Variants in AGBL4 observed in about 807,000 individuals in gnomAD.
The protein encoded by AGBL4 is cytosolic carboxypeptidase 6.
Under a neutral mutation model 66.4 loss-of-function variants are expected in AGBL4, and 58 were observed. That is an observed-to-expected ratio of 0.87 (90% CI 0.71 to 1.09). The LOEUF is 1.09. Among genes scored for constraint, AGBL4 ranks in the 50% least tolerant of loss-of-function variants. AGBL4 has a pLI of 0.00. For synonymous variants in AGBL4, 234 were observed against 222.9 expected, an observed-to-expected ratio of 1.05 and a Z score of -0.44; for missense variants, 579 against 631.0, an observed-to-expected ratio of 0.92 and a Z score of 0.88.
At chr1:49,474,845 G>GT (rs1463880691) in intron 3 of AGBL4, among the ~76,000 whole-genome samples, 1 of 151,972 alleles carries the variant, frequency 6.6e-6, no homozygotes, top group African/African-American at 2.4e-5. Context: ...AATTTAAGCT[G>GT]TATCTGCATT....
chr1:49,399,795 G>T (rs552716390), intron 3 of AGBL4, among the ~76,000 whole-genome samples: 2 of 152,020 alleles, frequency 1.3e-5, no homozygotes, highest in South Asian at 4.1e-4. Context: ...CATTATCTGG[G>T]TTGTCTCTTC....
At chr1:48,547,697 A>C (rs1158433908) in intron 11 of AGBL4, among the ~76,000 whole-genome samples, 1 of 152,150 alleles carries the variant, frequency 6.6e-6, no homozygotes, top group East Asian at 1.9e-4. Flanking sequence ...CATTCTGCTC[A>C]GGTCTCCACC....
intron 6 of AGBL4, among the ~76,000 whole-genome samples, chr1:48,805,765 C>A (rs902763078): frequency 1.3e-5 from 2 of 152,190 alleles, no homozygotes; most frequent in Admixed American, 1.3e-4. Flanking sequence ...GGTCCTTGGT[C>A]TCCCATCTCA....
intron 3 of AGBL4, among the ~76,000 whole-genome samples, chr1:49,691,056 T>C (rs1646877398): frequency 6.6e-6 from 1 of 151,930 alleles, no homozygotes; most frequent in Non-Finnish European, 1.5e-5. Context: ...CAATAACAGG[T>C]TTTGAAAGAA....
chr1:49,065,956 G>A (rs1644484672), intron 4 of AGBL4, among the ~76,000 whole-genome samples: 1 of 152,120 alleles, frequency 6.6e-6, no homozygotes, highest in Non-Finnish European at 1.5e-5. Flanking sequence ...CAGTAGGGTG[G>A]TTACAATCCT....
chr1:48,752,898 C>T (rs755348927), intron 6 of AGBL4, among the ~76,000 whole-genome samples: 23 of 152,192 alleles, frequency 1.5e-4, no homozygotes, highest in East Asian at 3.9e-4. Flanking sequence ...TACAGGCACG[C>T]GCCCCCATGC....
intron 5 of AGBL4, among the ~76,000 whole-genome samples, chr1:48,883,565 G>A (rs984235110): frequency 6.6e-6 from 1 of 152,082 alleles, no homozygotes; most frequent in African/African-American, 2.4e-5. Flanking sequence ...ATTTTTTACC[G>A]TGCTTGCATT....
chr1:49,504,418 T>C (rs72684899), intron 3 of AGBL4, among the ~76,000 whole-genome samples: 6,476 of 152,200 alleles, frequency 0.043, 251 homozygotes, highest in Non-Finnish European at 0.061. Context: ...TGTTTTCATA[T>C]TAATTTTTTC....
At chr1:48,526,525 C>CAGGAGG in the AGBL4 span, among the ~76,000 whole-genome samples, 1 of 152,014 alleles carries the variant, frequency 6.6e-6, no homozygotes, top group South Asian at 2.1e-4. Flanking sequence ...GCTGCAGCGG[C>CAGGAGG]AGGAGGAGGA....
intron 3 of AGBL4, among the ~76,000 whole-genome samples, chr1:49,450,038 C>A (rs966912260): frequency 6.6e-6 from 1 of 152,090 alleles, no homozygotes; most frequent in Non-Finnish European, 1.5e-5. Context: ...GACCTGCCAA[C>A]ACACACGAAA....
At chr1:49,049,473 A>G (rs1644159223) in intron 4 of AGBL4, among the ~76,000 whole-genome samples, 1 of 152,132 alleles carries the variant, frequency 6.6e-6, no homozygotes, top group African/African-American at 2.4e-5. Context: ...GGATATTTGG[A>G]TATTTCTTCA....
Position 49,283,742 on chromosome 1 carries a change from T to C in AGBL4, c.283-37878A>G, listed in dbSNP as rs1440073540. Among the ~76,000 whole-genome samples, 3 of 149,378 alleles carry C rather than the reference T, an allele frequency of 2.0e-5. No homozygotes were observed. In the Admixed American group the frequency reaches 2.0e-4, roughly 10 times the overall value. ...AGAATGCAGAAGCCTCAGGAGCCGA[T>C]GCGATCAACTGGAAGAAAGGGTATC... On this transcript the variant is annotated intron_variant, in intron 3 of 13. Transcript: ENST00000371839.
chr1:48,846,580 T>C (rs1375808879), intron 6 of AGBL4, among the ~76,000 whole-genome samples: 1 of 152,224 alleles, frequency 6.6e-6, no homozygotes, highest in African/African-American at 2.4e-5. Context: ...ACCATTTATT[T>C]ATTTCATGAC....
intron 4 of AGBL4, among the ~76,000 whole-genome samples, chr1:49,238,059 C>A (rs2148313617): frequency 6.6e-6 from 1 of 152,208 alleles, no homozygotes; most frequent in African/African-American, 2.4e-5. Context: ...GTGAAGTCTG[C>A]TGTATTCCAT....
chr1:49,222,150 C>G (rs1440267091), intron 4 of AGBL4, among the ~76,000 whole-genome samples: 3 of 152,062 alleles, frequency 2.0e-5, no homozygotes, highest in African/African-American at 7.2e-5. Flanking sequence ...TAAGCAATCC[C>G]TGATACAATA....
chr1:48,980,514 A>G (rs1430055008), intron 5 of AGBL4, among the ~76,000 whole-genome samples: 1 of 151,846 alleles, frequency 6.6e-6, no homozygotes, highest in African/African-American at 2.4e-5. Context: ...TCAAAATTAT[A>G]AACTAAAACA....
At chr1:49,831,018 A>G (rs1029546195) in intron 2 of AGBL4, among the ~76,000 whole-genome samples, 15 of 151,932 alleles carry the variant, frequency 9.9e-5, no homozygotes, top group Non-Finnish European at 1.9e-4. Context: ...TAGCTTTGTA[A>G]TATATTTTGA....
chr1:49,249,551 T>A (rs1651889873), intron 3 of AGBL4, among the ~76,000 whole-genome samples: 1 of 152,038 alleles, frequency 6.6e-6, no homozygotes, highest in South Asian at 2.1e-4. Context: ...ATGGCTATTA[T>A]CAAAAAGACA....
chr1:48,711,519 A>T (rs1234513006), intron 6 of AGBL4, among the ~76,000 whole-genome samples: 1 of 152,168 alleles, frequency 6.6e-6, no homozygotes, highest in Non-Finnish European at 1.5e-5. Flanking sequence ...CCCATTTGAC[A>T]TTCTGTCTGT....
Sources: gnomAD v4.1 joint callset for allele counts (sites outside exome capture counted in the v4.1 genomes callset) on GRCh38, gnomAD v4.1.1 for gene constraint, MANE v1.5 for transcripts, NCBI Gene and HGNC (gene_info 2026-07-23, HGNC 2026-07-21) for gene names.